The following IFT81 variants were observed in gnomAD, a reference collection of about 807,000 sequenced individuals.
IFT81 encodes the protein intraflagellar transport protein 81 homolog.
In IFT81, 72 loss-of-function variants were observed where a neutral mutation model predicts 102.6. The ratio of observed to expected loss-of-function variants is 0.70; its 90% CI spans 0.58 to 0.85. IFT81 has a LOEUF of 0.85. IFT81 is among the 40% of genes least tolerant of loss of function. The pLI is 0.00. For synonymous variants in IFT81, 237 were observed against 242.7 expected (o/e 0.98, Z 0.22); for missense variants, 723 against 787.3 (o/e 0.92, Z 0.98).
intron 11 of IFT81, among the ~76,000 whole-genome samples, chr12:110,170,718 T>G (rs1896688903): frequency 6.6e-6 from 1 of 152,210 alleles, no homozygotes; most frequent in African/African-American, 2.4e-5. Context: ...CCTTGGTTTA[T>G]GGTGTATGGG....
At chr12:110,183,553 C>T (rs1897395105) in intron 12 of IFT81, among the ~76,000 whole-genome samples, 1 of 152,184 alleles carries the variant, frequency 6.6e-6, no homozygotes, top group Non-Finnish European at 1.5e-5. Flanking sequence ...CTGTGTGGGC[C>T]AATGTCAGAG....
Position 110,205,487 on chromosome 12 carries a change from A to T in IFT81, c.1689A>T (p.Arg563Ser). The T allele has an allele frequency of 6.2e-7, 1 of 1,603,642 alleles. No individual in the cohort carries two copies. Among genetic ancestry groups the T allele is most frequent in the East Asian group, 2.2e-5 (1 of 44,640 alleles). The change falls in exon 16 of 19, where the codon AGA (arginine) becomes AGT (serine). Residue 563 changes from arginine to serine, a missense_variant. Transcript: ENST00000242591. ...AAGAATGTCTTCAAGAAGAAAGTAG[A>T]TACCATTATACAAATTGTATGATTA... ...LREECLQEES[R>S]YHYTNCMIKN...
intron 4 of IFT81, among the ~76,000 whole-genome samples, chr12:110,129,940 A>G (rs1237696382): frequency 6.6e-6 from 1 of 152,112 alleles, no homozygotes; most frequent in East Asian, 1.9e-4. Flanking sequence ...TAGTTTGTCA[A>G]TCTGTCTTTC....
intron 4 of IFT81, among the ~76,000 whole-genome samples, chr12:110,131,710 C>G (rs1469606503): frequency 6.6e-6 from 1 of 152,076 alleles, no homozygotes; most frequent in Non-Finnish European, 1.5e-5. Context: ...CCTAGGGATA[C>G]AAGGGTGTAC....
At chr12:110,151,508 T>C (rs1039185236) in intron 10 of IFT81, among the ~76,000 whole-genome samples, 1 of 152,162 alleles carries the variant, frequency 6.6e-6, no homozygotes, top group African/African-American at 2.4e-5. Flanking sequence ...CAAGTTTTTG[T>C]GTGGATATAT....
intron 3 of IFT81, 29 bp downstream of exon 3, chr12:110,128,178 TA>T (rs768654115): frequency 3.0e-5 from 41 of 1,389,526 alleles, no homozygotes; most frequent in Non-Finnish European, 4.2e-5. Flanking sequence ...ATTGAGTTTT[TA>T]AAATTATGCT....
At position 110,203,910 on chromosome 12, in the gene IFT81, G is replaced by T; in HGVS notation, c.1604G>T (p.Cys535Phe). 1 of 1,613,736 alleles carries T rather than the reference G, an allele frequency of 6.2e-7. No homozygotes were observed. The highest frequency in any genetic ancestry group is 8.5e-7 in the Non-Finnish European group (1 of 1,179,662). ...CDEKKSQYDS[C>F]AAGLESNRSK... ...GAAAAGAAATCCCAGTATGATAGCT[G>T]TGCAGCAGGCCTCGAAAGCAATCGG... Residue 535 changes from cysteine (C) to phenylalanine (F), a missense_variant, in exon 15 of 19, where the codon TGT becomes TTT. Physicochemically the swap from Cys to Phe is radical, Grantham distance 205. Coordinates refer to ENST00000242591, the MANE Select transcript of IFT81 (RefSeq NM_014055.4).
At chr12:110,160,318 C>T (rs1275965388) in intron 10 of IFT81, among the ~76,000 whole-genome samples, 2 of 152,104 alleles carry the variant, frequency 1.3e-5, no homozygotes, top group African/African-American at 4.8e-5. Flanking sequence ...GCCTCAAAAC[C>T]AGGGAAGACG....
At chr12:110,139,818 T>TAAAATAAATAAAATA (rs1555260154) in intron 8 of IFT81, among the ~76,000 whole-genome samples, 2 of 105,500 alleles carry the variant, frequency 1.9e-5, no homozygotes, top group African/African-American at 3.6e-5. Context: ...TAAAATAAAA[T>TAAAATAAATAAAATA]AAATAAAATA....
At chr12:110,155,705 T>G (rs1016482815) in intron 10 of IFT81, among the ~76,000 whole-genome samples, 1 of 152,248 alleles carries the variant, frequency 6.6e-6, no homozygotes, top group East Asian at 1.9e-4. Flanking sequence ...CAGCAACTTC[T>G]GTCATTTTGC....
chr12:110,172,358 T>TGGTCTCCCTCTCCCCAC (rs373600096), intron 11 of IFT81, among the ~76,000 whole-genome samples: 44 of 151,466 alleles, frequency 2.9e-4, no homozygotes, highest in Non-Finnish European at 5.9e-4. Flanking sequence ...CCTCTCCCCA[T>TGGTCTCCCTCTCCCCAC]GGTCTCCCTC....
intron 12 of IFT81, among the ~76,000 whole-genome samples, chr12:110,184,757 C>G (rs1318552134): frequency 6.6e-6 from 1 of 152,172 alleles, no homozygotes; most frequent in Non-Finnish European, 1.5e-5. Context: ...AGTTCCTGAG[C>G]CAGTCACCTA....
At chr12:110,127,135 CATATACAAAGCATTTGATGTTA>C (rs1203948549) in intron 1 of IFT81, among the ~76,000 whole-genome samples, 1 of 152,246 alleles carries the variant, frequency 6.6e-6, no homozygotes, top group East Asian at 1.9e-4. Context: ...ACACCAGATG[CATATACAAAGCATTTGATGTTA>C]AAATTAACAG....
At position 110,205,495 on chromosome 12, in the gene IFT81, A is replaced by T. The variant is rs1232019897; in HGVS notation, c.1697A>T (p.Tyr566Phe). ...CTTCAAGAAGAAAGTAGATACCATT[A>T]TACAAATTGTATGATTAAGGTAAGA... The part of the protein sequence containing the change: ...ECLQEESRYH[Y>F]TNCMIKNLEV... Residue 566 changes from tyrosine (Y) to phenylalanine (F), a missense_variant, in exon 16 of 19, where the codon TAT becomes TTT. Transcript: ENST00000242591. 6.2e-7 allele frequency: 1 copy of T among 1,604,560 alleles called. No individual in the cohort carries two copies. The highest frequency in any genetic ancestry group is 1.3e-5 in the African/African-American group (1 of 74,486).
intron 6 of IFT81, 91 bp downstream of exon 6, chr12:110,135,104 G>T: frequency 1.0e-6 from 1 of 1,003,756 alleles, no homozygotes; most frequent in South Asian, 1.5e-5. Context: ...AGCCAAGCAT[G>T]AGTGTACATC....
chr12:110,159,238 A>C (rs1027346451), intron 10 of IFT81, among the ~76,000 whole-genome samples: 1 of 152,214 alleles, frequency 6.6e-6, no homozygotes, highest in Admixed American at 6.5e-5. Context: ...GGAGACCAAG[A>C]TGTGTGGTTG....
chr12:110,171,531 C>T (rs977975133), intron 11 of IFT81, among the ~76,000 whole-genome samples: 2 of 152,164 alleles, frequency 1.3e-5, no homozygotes, highest in African/African-American at 4.8e-5. Flanking sequence ...TAGATAATTA[C>T]ATTGCTTATG....
intron 14 of IFT81, among the ~76,000 whole-genome samples, chr12:110,196,455 G>A (rs1313337415): frequency 6.6e-6 from 1 of 152,212 alleles, no homozygotes; most frequent in Non-Finnish European, 1.5e-5. Flanking sequence ...GGGAGGCGGA[G>A]GTTGCAGTGA....
rs954692947 is a variant in IFT81 at position 110,128,190 on chromosome 12, T to C, written c.248+41T>C. 4 of 1,275,476 alleles carry C rather than the reference T, an allele frequency of 3.1e-6. No homozygotes were observed. In the African/African-American group the frequency reaches 4.4e-5, roughly 14 times the overall value. 79.0% of individuals were successfully genotyped at this position (1,275,476 alleles called of 1,614,324 possible). On this transcript the variant is annotated intron_variant, in intron 3 of 18. Coordinates refer to ENST00000242591, the MANE Select transcript of IFT81 (RefSeq NM_014055.4). Reference sequence around the variant, plus strand: ...CGTATTGAGTTTTTAAAATTATGCTTTAATATCCAAACCTTCATATACTGC... The same window carrying C: ...CGTATTGAGTTTTTAAAATTATGCTCTAATATCCAAACCTTCATATACTGC...
Sources: gnomAD v4.1 joint callset for allele counts (sites outside exome capture counted in the v4.1 genomes callset) on GRCh38, gnomAD v4.1.1 for gene constraint, MANE v1.5 for transcripts, NCBI Gene and HGNC (gene_info 2026-07-23, HGNC 2026-07-21) for gene names.